HTR2C: variants seen among roughly 807,000 people sequenced by gnomAD.
HTR2C encodes 5-hydroxytryptamine (serotonin) receptor 2C, G protein-coupled.
In HTR2C, 5 loss-of-function variants were observed where a neutral mutation model predicts 21.0. That is an observed-to-expected ratio of 0.24 (90% CI 0.12 to 0.50). The LOEUF is 0.50. Among genes scored for constraint, HTR2C ranks in the 20% least tolerant of loss-of-function variants. HTR2C has a pLI of 0.98. For synonymous variants in HTR2C, 150 were observed against 145.3 expected, an observed-to-expected ratio of 1.03 and a Z score of -0.23; for missense variants, 271 against 371.2, an observed-to-expected ratio of 0.73 and a Z score of 2.22.
At chrX:114,830,430 TG>T (rs1212542499) in intron 4 of HTR2C, among the ~76,000 whole-genome samples, 3 of 111,188 alleles carry the variant, frequency 2.7e-5, no homozygotes, top group African/African-American at 9.8e-5. Flanking sequence ...TTTATTGTCT[TG>T]CCCAATTAGT....
intron 2 of HTR2C, among the ~76,000 whole-genome samples, chrX:114,694,208 C>T (rs1441309365): frequency 9.0e-6 from 1 of 110,671 alleles, no homozygotes; most frequent in Non-Finnish European, 1.9e-5. Context: ...TTCCTTCACT[C>T]TTGAAAGCAT....
chrX:114,787,946 CAAA>C (rs1204419085), intron 4 of HTR2C, among the ~76,000 whole-genome samples: 4 of 33,770 alleles, frequency 1.2e-4, no homozygotes, highest in Middle Eastern at 0.019. Flanking sequence ...GACTCTGTCT[CAAA>C]AAAAAAAAAA....
At chrX:114,856,470 A>G (rs1486554997) in intron 5 of HTR2C, among the ~76,000 whole-genome samples, 2 of 100,648 alleles carry the variant, frequency 2.0e-5, no homozygotes, top group African/African-American at 3.6e-5. Flanking sequence ...GGAAAAAACT[A>G]CTTTAAAGTT....
At chrX:114,603,364 AAGCAGC>A (rs1408081437) in intron 1 of HTR2C, among the ~76,000 whole-genome samples, 3 of 109,726 alleles carry the variant, frequency 2.7e-5, no homozygotes, top group Non-Finnish European at 5.7e-5. Flanking sequence ...AAAAGTATTA[AAGCAGC>A]AGCAGCAGCC....
chrX:114,894,277 G>C (rs1447900984), intron 5 of HTR2C, among the ~76,000 whole-genome samples: 1 of 111,634 alleles, frequency 9.0e-6, no homozygotes, highest in African/African-American at 3.3e-5. Flanking sequence ...TTTATCAACA[G>C]GTGAAAGGAT....
At chrX:114,904,700 ACT>A (rs2071359325) in intron 5 of HTR2C, among the ~76,000 whole-genome samples, 1 of 110,678 alleles carries the variant, frequency 9.0e-6, no homozygotes, top group Admixed American at 9.7e-5. Context: ...TTTTAAAGAA[ACT>A]CTTTCTTCTT....
Position 114,694,488 on chromosome X carries a change from T to TAC in HTR2C, c.-79-32369_-79-32368insCA, listed in dbSNP as rs1932211281. Among the ~76,000 whole-genome samples, 6 of 11,572 alleles carry TAC rather than the reference T, an allele frequency of 5.2e-4. 1 individual carries two copies. The highest frequency in any genetic ancestry group is 1.6e-3 in the African/African-American group (6 of 3,743). The allele number at this position is 11,572 out of a possible 115,157, so 10.0% of individuals were successfully genotyped here. ...ATATATATATATATATATATATATA[T>TAC]ATATACACACACAGATTTAGACAGA... is the stretch of plus-strand genomic sequence containing the variant. On this transcript the variant is annotated intron_variant, in intron 2 of 5. Coordinates refer to ENST00000276198, the MANE Select transcript of HTR2C (RefSeq NM_000868.4).
At chrX:114,594,799 A>G (rs951244225) in intron 1 of HTR2C, among the ~76,000 whole-genome samples, 5 of 110,893 alleles carry the variant, frequency 4.5e-5, no homozygotes, top group Non-Finnish European at 9.4e-5. Flanking sequence ...ATTTTCTATC[A>G]AGTATTTTTA....
intron 2 of HTR2C, among the ~76,000 whole-genome samples, chrX:114,656,647 T>C (rs1252090696): frequency 1.8e-5 from 2 of 111,142 alleles, no homozygotes; most frequent in African/African-American, 6.5e-5. Context: ...AGGTAATTTT[T>C]TTTTCTGGAA....
At chrX:114,711,588 A>C (rs1289858026) in intron 2 of HTR2C, among the ~76,000 whole-genome samples, 1 of 111,937 alleles carries the variant, frequency 8.9e-6, no homozygotes, top group East Asian at 2.8e-4. Context: ...CATACTTGGC[A>C]TTAAATAAAT....
At chrX:114,791,556 T>C (rs782192852) in intron 4 of HTR2C, among the ~76,000 whole-genome samples, 1 of 111,668 alleles carries the variant, frequency 9.0e-6, no homozygotes, top group South Asian at 3.7e-4. Context: ...AACTATTTAA[T>C]TCAAAACTAT....
intron 1 of HTR2C, among the ~76,000 whole-genome samples, chrX:114,594,810 A>C: frequency 9.0e-6 from 1 of 110,841 alleles, no homozygotes; most frequent in Middle Eastern, 5.0e-3. Context: ...AGTATTTTTA[A>C]AATTTTCTTC....
intron 2 of HTR2C, among the ~76,000 whole-genome samples, chrX:114,703,937 G>A (rs1345662016): frequency 7.3e-5 from 8 of 110,060 alleles, no homozygotes; most frequent in African/African-American, 2.6e-4. Flanking sequence ...ACACCTCTAC[G>A]CAAATAAACT....
rs146650461 is a variant in HTR2C, at chrX:114,724,594, C to T, written c.-79-2264C>T. ...TGGTTATTTTGCTCATTAGTTGATG[C>T]AGTTTCTTCCTAGTCTTGATGGTCT... On this transcript the variant is annotated intron_variant, in intron 2 of 5. Transcript: ENST00000276198. Among the ~76,000 whole-genome samples the T allele has an allele frequency of 2.2e-4, 19 of 87,186 alleles. No homozygotes were observed. In the East Asian group the frequency reaches 8.0e-3, roughly 37 times the overall value. 75.7% of individuals were successfully genotyped at this position (87,186 alleles called of 115,157 possible).
At chrX:114,834,291 G>A (rs2070758775) in intron 4 of HTR2C, among the ~76,000 whole-genome samples, 1 of 107,827 alleles carries the variant, frequency 9.3e-6, no homozygotes, top group African/African-American at 3.4e-5. Flanking sequence ...GTCTAATGTT[G>A]ACAGTGGGGT....
In HTR2C at chrX:114,906,586, T is replaced by C. The variant is rs781927832; in HGVS notation, c.551-3T>C. On this transcript the variant is annotated splice_region_variant and splice_polypyrimidine_tract_variant and intron_variant, in intron 5 of 5. Transcript: ENST00000276198. ...ACAACCCCCTTCCTTTTTCTTCCTTTAGGTGTATCAGTTCCTATCCCTGTG... is the reference window on the plus strand; with the variant it reads ...ACAACCCCCTTCCTTTTTCTTCCTTCAGGTGTATCAGTTCCTATCCCTGTG... The C allele has an allele frequency of 2.6e-6, 3 of 1,175,461 alleles. No individual in the cohort carries two copies. The highest frequency in any genetic ancestry group is 3.4e-6 in the Non-Finnish European group (3 of 870,451).
intron 4 of HTR2C, among the ~76,000 whole-genome samples, chrX:114,737,567 T>C (rs781905947): frequency 9.0e-6 from 1 of 111,653 alleles, no homozygotes; most frequent in Admixed American, 9.5e-5. Flanking sequence ...AATTGCTAGC[T>C]AGTTTTAACA....
intron 4 of HTR2C, among the ~76,000 whole-genome samples, chrX:114,810,874 C>T (rs1357625507): frequency 9.1e-6 from 1 of 110,366 alleles, no homozygotes; most frequent in Non-Finnish European, 1.9e-5. Context: ...AATAAAAAAG[C>T]TTTAGAAAAA....
intron 4 of HTR2C, among the ~76,000 whole-genome samples, chrX:114,846,769 A>G (rs1324614694): frequency 3.6e-5 from 4 of 112,579 alleles, no homozygotes; most frequent in African/African-American, 9.7e-5. Context: ...CATTAGTTCT[A>G]TTTATCATGG....
Sources: allele counts gnomAD v4.1 joint callset (sites outside exome capture counted in the v4.1 genomes callset), GRCh38; gene constraint gnomAD v4.1.1; transcripts MANE v1.5; gene names NCBI Gene and HGNC (gene_info 2026-07-23, HGNC 2026-07-21).